Variants in MB21D2 observed in about 807,000 individuals in gnomAD.
MB21D2 encodes Mab-21 domain containing 2.
In MB21D2, 9 loss-of-function variants were observed where a neutral mutation model predicts 33.3. That is an observed-to-expected ratio of 0.27 (90% CI 0.16 to 0.47). MB21D2 has a LOEUF of 0.47. MB21D2 is among the 20% of genes least tolerant of loss of function. The probability of loss-of-function intolerance (pLI) is 0.99; values close to 1 mark genes in which losing one functional copy is unlikely to be tolerated. For synonymous variants in MB21D2, 241 were observed against 236.3 expected (o/e 1.02, Z -0.18); for missense variants, 540 against 624.6 (o/e 0.86, Z 1.44).
At chr3:192,846,487 C>T (rs1431360035) in intron 1 of MB21D2, among the ~76,000 whole-genome samples, 2 of 152,184 alleles carry the variant, frequency 1.3e-5, no homozygotes, top group Non-Finnish European at 2.9e-5. Flanking sequence ...AAACCACACC[C>T]TTGGCTCAAT....
intron 1 of MB21D2, among the ~76,000 whole-genome samples, chr3:192,870,702 A>AAAAAAAAAG (rs1713273700): frequency 1.5e-5 from 2 of 130,748 alleles, no homozygotes; most frequent in Admixed American, 1.4e-4. Flanking sequence ...CTCCGTTGAA[A>AAAAAAAAAG]AAAAAAAAAA....
intron 1 of MB21D2, among the ~76,000 whole-genome samples, chr3:192,838,374 C>A (rs1349962303): frequency 6.6e-6 from 1 of 152,098 alleles, no homozygotes. Context: ...TAGGCCCAAC[C>A]CACCTTCAAG....
At chr3:192,827,188 G>A (rs924473843) in intron 1 of MB21D2, among the ~76,000 whole-genome samples, 4 of 152,050 alleles carry the variant, frequency 2.6e-5, no homozygotes, top group Non-Finnish European at 5.9e-5. Flanking sequence ...GAGCCACTGC[G>A]CCCGGCACCC....
intron 1 of MB21D2, among the ~76,000 whole-genome samples, chr3:192,897,257 G>A (rs1713998014): frequency 6.6e-6 from 1 of 152,088 alleles, no homozygotes; most frequent in Admixed American, 6.5e-5. Flanking sequence ...CAAACAGAAC[G>A]GTTGCATAGC....
chr3:192,802,477 C>A (rs530101726), intron 1 of MB21D2, among the ~76,000 whole-genome samples: 18 of 152,324 alleles, frequency 1.2e-4, no homozygotes, highest in African/African-American at 3.8e-4. Context: ...CCGTCTTCAG[C>A]ATGGAAAATA....
intron 1 of MB21D2, among the ~76,000 whole-genome samples, chr3:192,897,278 T>C (rs567339577): frequency 5.7e-4 from 86 of 152,196 alleles, no homozygotes; most frequent in African/African-American, 2.0e-3. Context: ...TTGTTCAAGG[T>C]CATCAAACCA....
intron 1 of MB21D2, among the ~76,000 whole-genome samples, chr3:192,884,975 G>A (rs889201573): frequency 1.3e-5 from 2 of 152,010 alleles, no homozygotes; most frequent in Non-Finnish European, 2.9e-5. Flanking sequence ...GCTACATCTG[G>A]CACAATTCAG....
chr3:192,842,274 C>T (rs1399189619), intron 1 of MB21D2, among the ~76,000 whole-genome samples: 2 of 152,204 alleles, frequency 1.3e-5, no homozygotes, highest in South Asian at 4.1e-4. Flanking sequence ...ACACTGGCCT[C>T]CCACGGCTGC....
intron 1 of MB21D2, among the ~76,000 whole-genome samples, chr3:192,801,970 G>A (rs1280944955): frequency 6.6e-6 from 1 of 152,158 alleles, no homozygotes; most frequent in Non-Finnish European, 1.5e-5. Context: ...ACATTATAGT[G>A]TCAACAATTC....
At chr3:192,905,532 G>A (rs2108653568) in intron 1 of MB21D2, among the ~76,000 whole-genome samples, 1 of 151,700 alleles carries the variant, frequency 6.6e-6, no homozygotes, top group African/African-American at 2.4e-5. Flanking sequence ...AGCTACTCGG[G>A]AGGCTGAGGC....
intron 1 of MB21D2, among the ~76,000 whole-genome samples, chr3:192,821,133 C>A (rs1423997570): frequency 1.3e-5 from 2 of 152,174 alleles, no homozygotes; most frequent in Non-Finnish European, 2.9e-5. Context: ...TTGCTAATGT[C>A]ACTATCCACC....
chr3:192,850,528 C>G (rs1481211816), intron 1 of MB21D2, among the ~76,000 whole-genome samples: 1 of 152,204 alleles, frequency 6.6e-6, no homozygotes, highest in African/African-American at 2.4e-5. Context: ...GCTTGTACTT[C>G]TCCACATTCC....
intron 1 of MB21D2, among the ~76,000 whole-genome samples, chr3:192,824,373 G>C (rs2886867): frequency 0.37 from 56,181 of 151,814 alleles, 11,018 homozygotes; most frequent in East Asian, 0.61. Flanking sequence ...AATAAGGGGA[G>C]ATGATGGATT....
At chr3:192,842,626 G>T (rs1054889013) in intron 1 of MB21D2, among the ~76,000 whole-genome samples, 3 of 152,166 alleles carry the variant, frequency 2.0e-5, no homozygotes, top group Non-Finnish European at 4.4e-5. Context: ...AAGTAATACA[G>T]AGAAAATTCA....
At chr3:192,842,255 C>T (rs1283149967) in intron 1 of MB21D2, among the ~76,000 whole-genome samples, 1 of 152,218 alleles carries the variant, frequency 6.6e-6, no homozygotes, top group African/African-American at 2.4e-5. Context: ...ACATGGTCTA[C>T]CACGTTGAAC....
chr3:192,870,699 G>GGAAAAAAAAA (rs537267703), intron 1 of MB21D2, among the ~76,000 whole-genome samples: 3 of 41,670 alleles, frequency 7.2e-5, no homozygotes, highest in Non-Finnish European at 1.2e-4. Context: ...CGACTCCGTT[G>GGAAAAAAAAA]AAAAAAAAAA....
intron 1 of MB21D2, among the ~76,000 whole-genome samples, chr3:192,826,372 G>C (rs1712174172): frequency 6.6e-6 from 1 of 152,200 alleles, no homozygotes; most frequent in African/African-American, 2.4e-5. Flanking sequence ...GGCACGTGTA[G>C]CAAATGGTGG....
chr3:192,832,303 C>T (rs1288898402), intron 1 of MB21D2, among the ~76,000 whole-genome samples: 1 of 152,102 alleles, frequency 6.6e-6, no homozygotes, highest in Non-Finnish European at 1.5e-5. Flanking sequence ...AAATCACAAA[C>T]CTAGATTGCC....
At chr3:192,913,164 A>T (rs886479738) in intron 1 of MB21D2, among the ~76,000 whole-genome samples, 1 of 152,170 alleles carries the variant, frequency 6.6e-6, no homozygotes, top group African/African-American at 2.4e-5. Context: ...GGGAGGTCAA[A>T]GCAGGAGGAT....
Sources: allele counts gnomAD v4.1 joint callset (sites outside exome capture counted in the v4.1 genomes callset), GRCh38; gene constraint gnomAD v4.1.1; transcripts MANE v1.5; gene names NCBI Gene and HGNC (gene_info 2026-07-23, HGNC 2026-07-21).